ADARB2: variants seen among roughly 807,000 people sequenced by gnomAD.
ADARB2 encodes adenosine deaminase RNA specific B2 (inactive).
A neutral mutation model predicts 62.2 loss-of-function variants in ADARB2; 25 were observed. That is an observed-to-expected ratio of 0.40 (90% CI 0.29 to 0.56). The LOEUF is 0.56. Among genes scored for constraint, ADARB2 ranks in the 20% least tolerant of loss-of-function variants. ADARB2 has a pLI of 0.43. For missense variants in ADARB2, 1,071 were observed against 1,077.4 expected (o/e 0.99, Z 0.08); for synonymous variants, 572 against 500.8 (o/e 1.14, Z -1.90).
chr10:1,251,975 A>C (rs1311305305), intron 4 of ADARB2, among the ~76,000 whole-genome samples: 1 of 152,184 alleles, frequency 6.6e-6, no homozygotes, highest in Admixed American at 6.5e-5. Context: ...AACTGTGAGC[A>C]ATGAACTTCT....
In ADARB2 at chr10:1,199,982, G is replaced by A; in HGVS notation, c.1848C>T (p.Asn616=). ...GGTTCTTACCGCTGAGGAGAGGCCG[G>A]TTGTGCCGGTAGGAGGCGGGCAGCT... is the stretch of plus-strand genomic sequence containing the variant. ...VGQLPASYRH[N]RPLLSGVSDA... The change falls in exon 8 of 10, where the codon AAC becomes AAT. Residue 616 remains asparagine, a synonymous_variant. Coordinates refer to ENST00000381312, the MANE Select transcript of ADARB2 (RefSeq NM_018702.4). 4 of 1,564,664 alleles carry A rather than the reference G, an allele frequency of 2.6e-6. No homozygotes were observed. The highest frequency in any genetic ancestry group is 2.6e-6 in the Non-Finnish European group (3 of 1,158,250).
intron 3 of ADARB2, among the ~76,000 whole-genome samples, chr10:1,357,897 T>A (rs1832211492): frequency 1.3e-5 from 2 of 152,220 alleles, no homozygotes; most frequent in African/African-American, 2.4e-5. Flanking sequence ...AAAGACCTTT[T>A]GGTAGGTCTC....
At chr10:1,521,405 A>G (rs994472071) in intron 1 of ADARB2, among the ~76,000 whole-genome samples, 6 of 152,216 alleles carry the variant, frequency 3.9e-5, no homozygotes, top group African/African-American at 1.2e-4. Context: ...CCCTATGTAA[A>G]CCAAAAATAA....
At chr10:1,185,824 G>A (rs929181877) in intron 8 of ADARB2, among the ~76,000 whole-genome samples, 8 of 152,186 alleles carry the variant, frequency 5.3e-5, no homozygotes, top group Non-Finnish European at 8.8e-5. Context: ...CTTTTAACCC[G>A]GACCATACAG....
At position 1,488,578 on chromosome 10, in the gene ADARB2, GGATCAAT is replaced by G. The variant is rs144694400; in HGVS notation, c.101-109425_101-109419del. ...TGTGCTGGATATAGGCCAGGCTGCA[GGATCAAT>G]GATCAATGATCAATGAGCCCTGCAC... On this transcript the variant is annotated intron_variant, in intron 1 of 9. Transcript: ENST00000381312. Among the ~76,000 whole-genome samples the G allele has an allele frequency of 3.4e-3, 518 of 152,266 alleles. 6 individuals carry two copies. The highest frequency in any genetic ancestry group is 0.012 in the African/African-American group (494 of 41,538).
chr10:1,563,815 G>C (rs1015588964), intron 1 of ADARB2, among the ~76,000 whole-genome samples: 4 of 130,814 alleles, frequency 3.1e-5, no homozygotes, highest in Non-Finnish European at 1.6e-5. Flanking sequence ...AGAGTGTGAT[G>C]TTCCCCTTCC....
chr10:1,204,012 G>C (rs1202554777), intron 7 of ADARB2, among the ~76,000 whole-genome samples: 1 of 152,158 alleles, frequency 6.6e-6, no homozygotes, highest in Non-Finnish European at 1.5e-5. Flanking sequence ...CTCCGTGTTG[G>C]TTCTGGGGTC....
chr10:1,275,361 A>C (rs1011240832), intron 3 of ADARB2, among the ~76,000 whole-genome samples: 2 of 152,148 alleles, frequency 1.3e-5, no homozygotes, highest in Non-Finnish European at 2.9e-5. Flanking sequence ...GGTGCAGCTG[A>C]CAGCCAGGAG....
chr10:1,414,526 G>T (rs927053696), intron 1 of ADARB2, among the ~76,000 whole-genome samples: 1 of 152,180 alleles, frequency 6.6e-6, no homozygotes, highest in East Asian at 1.9e-4. Context: ...AAAAGAACCT[G>T]CTCTCCATTA....
chr10:1,270,942 A>G lies in ADARB2; in HGVS notation c.1192+13T>C, dbSNP rs1277074641. The G allele has an allele frequency of 6.2e-7, 1 of 1,611,370 alleles. No individual in the cohort carries two copies. Among genetic ancestry groups the G allele is most frequent in the East Asian group, 2.2e-5 (1 of 44,854 alleles). On this transcript the variant is annotated intron_variant, in intron 4 of 9. Transcript: ENST00000381312. ...GAGATGAAAATGCCCACAGGAAAAG[A>G]GGAGGTGGCTACCTTTGGTCATGAC...
chr10:1,693,302 G>A (rs1274980886), intron 1 of ADARB2, among the ~76,000 whole-genome samples: 1 of 152,158 alleles, frequency 6.6e-6, no homozygotes, highest in African/African-American at 2.4e-5. Context: ...GCTTGTCAAG[G>A]CCGCCATGTC....
chr10:1,624,853 C>T (rs1021586756), intron 1 of ADARB2, among the ~76,000 whole-genome samples: 6 of 151,916 alleles, frequency 3.9e-5, no homozygotes, highest in Admixed American at 1.3e-4. Context: ...TTTGTGAGTG[C>T]TTGAGATTCT....
chr10:1,445,059 A>G (rs2131897949), intron 1 of ADARB2, among the ~76,000 whole-genome samples: 1 of 146,248 alleles, frequency 6.8e-6, no homozygotes, highest in Non-Finnish European at 1.5e-5. Context: ...ATCCATCTAC[A>G]TTAATCCTTC....
chr10:1,353,695 T>C (rs1329421774), intron 3 of ADARB2, among the ~76,000 whole-genome samples: 1 of 152,162 alleles, frequency 6.6e-6, no homozygotes, highest in Non-Finnish European at 1.5e-5. Flanking sequence ...TTCCCCTGGG[T>C]AACCTTTCAC....
At chr10:1,223,390 T>C (rs549153043) in intron 6 of ADARB2, among the ~76,000 whole-genome samples, 21 of 152,328 alleles carry the variant, frequency 1.4e-4, no homozygotes, top group African/African-American at 5.1e-4. Context: ...CCTCTTTTTC[T>C]AATTGAATAA....
chr10:1,639,210 C>T (rs1469200814), intron 1 of ADARB2, among the ~76,000 whole-genome samples: 2 of 152,280 alleles, frequency 1.3e-5, no homozygotes, highest in South Asian at 4.1e-4. Flanking sequence ...CTGACTGCAT[C>T]CAGGAAGCTG....
chr10:1,203,059 G>A (rs201586664), intron 7 of ADARB2, among the ~76,000 whole-genome samples: 1 of 152,122 alleles, frequency 6.6e-6, no homozygotes. Flanking sequence ...TTCTGAATAT[G>A]AGCTGGAGAA....
intron 2 of ADARB2, among the ~76,000 whole-genome samples, chr10:1,370,839 G>C (rs556077711): frequency 2.6e-5 from 4 of 152,350 alleles, no homozygotes; most frequent in Admixed American, 6.5e-5. Context: ...CATGCTCATG[G>C]ATTGGAAGAA....
chr10:1,580,114 TA>T (rs1833077135), intron 1 of ADARB2, among the ~76,000 whole-genome samples: 1 of 152,222 alleles, frequency 6.6e-6, no homozygotes, highest in Admixed American at 6.5e-5. Flanking sequence ...TTCTTATTTT[TA>T]AAAAACCTTT....
Sources: allele counts gnomAD v4.1 joint callset (sites outside exome capture counted in the v4.1 genomes callset), GRCh38; gene constraint gnomAD v4.1.1; transcripts MANE v1.5; gene names NCBI Gene and HGNC (gene_info 2026-07-23, HGNC 2026-07-21).